Variants in CRHBP observed in about 807,000 individuals in gnomAD.
CRHBP encodes corticotropin releasing hormone binding protein.
Under a neutral mutation model 34.9 loss-of-function variants are expected in CRHBP, and 19 were observed. That is an observed-to-expected ratio of 0.55 (90% CI 0.38 to 0.80). The LOEUF is 0.80. Ranked by LOEUF, CRHBP falls within the 30% of genes least tolerant of loss-of-function variation. The pLI is 0.00. For synonymous variants in CRHBP, 154 were observed against 153.4 expected (o/e 1.00, Z -0.03); for missense variants, 328 against 409.2 (o/e 0.80, Z 1.71).
At chr5:76,963,539 T>C in intron 6 of CRHBP, 79 bp downstream of exon 6, 1 of 1,294,914 alleles carries the variant, frequency 7.7e-7, no homozygotes. Context: ...ATTTTCTACA[T>C]TGGAAGGTGA....
chr5:76,963,639 C>T (rs766835191), intron 6 of CRHBP, among the ~76,000 whole-genome samples, 179 bp downstream of exon 6: 2 of 151,980 alleles, frequency 1.3e-5, no homozygotes. Flanking sequence ...CCAAAATATC[C>T]GACACTGGGA....
intron 5 of CRHBP, among the ~76,000 whole-genome samples, chr5:76,962,653 G>A (rs1745797951): frequency 6.6e-6 from 1 of 151,238 alleles, no homozygotes; most frequent in African/African-American, 2.4e-5. Context: ...AGCAGGAAAA[G>A]GTGATCATGG....
At chr5:76,956,827 T>C (rs1426944402) in intron 4 of CRHBP, among the ~76,000 whole-genome samples, 3 of 152,252 alleles carry the variant, frequency 2.0e-5, no homozygotes, top group Non-Finnish European at 4.4e-5. Flanking sequence ...TCACTCATTT[T>C]TGCATACAGT....
chr5:76,963,698 A>G (rs949933103), intron 6 of CRHBP, among the ~76,000 whole-genome samples: 1 of 152,148 alleles, frequency 6.6e-6, no homozygotes, highest in African/African-American at 2.4e-5. Context: ...AACTATGAAA[A>G]AGACAAAGCT....
intron 3 of CRHBP, among the ~76,000 whole-genome samples, chr5:76,977,832 C>T (rs555625013): frequency 6.6e-6 from 1 of 152,164 alleles, no homozygotes; most frequent in Non-Finnish European, 1.5e-5. Flanking sequence ...AAAAGCTAAG[C>T]GTCTTATTCC....
At position 76,958,764 on chromosome 5, in the gene CRHBP, C is replaced by T. The variant is rs752119854; in HGVS notation, c.568C>T (p.Pro190Ser). The change falls in exon 5 of 7, where the codon CCA (proline) becomes TCA (serine). Residue 190 changes from proline to serine, a missense_variant. By Grantham distance (74) the Pro-to-Ser change is moderately conservative. Coordinates refer to ENST00000274368, the MANE Select transcript of CRHBP (RefSeq NM_001882.4). The stretch of plus-strand genomic sequence containing the variant: ...AGCTTGCAATGTCATTTCTCAGACT[C>T]CAAATGGAAAGTTTACCCTGGTAGT... The part of the protein sequence containing the change: ...LFPCNVISQT[P>S]NGKFTLVVPH... 4 of 1,611,510 alleles carry T rather than the reference C, an allele frequency of 2.5e-6. No individual in the cohort carries two copies. The highest frequency in any genetic ancestry group is 3.4e-6 in the Non-Finnish European group (4 of 1,179,388).
chr5:76,976,666 G>A (rs532318206), intron 3 of CRHBP: 1 of 152,256 alleles, frequency 6.6e-6, no homozygotes, highest in East Asian at 1.9e-4. Flanking sequence ...CACCAGTCAA[G>A]GCACATGGTA....
intron 2 of CRHBP, among the ~76,000 whole-genome samples, 159 bp downstream of exon 2, chr5:76,953,853 A>G (rs1007460061): frequency 2.0e-5 from 3 of 152,086 alleles, no homozygotes; most frequent in South Asian, 2.1e-4. Context: ...GAGGCGCGCC[A>G]GGAGCGGGAG....
chr5:76,954,244 G>C, intron 3 of CRHBP, 58 bp downstream of exon 3: 1 of 1,576,466 alleles, frequency 6.3e-7, no homozygotes, highest in Non-Finnish European at 8.6e-7. Flanking sequence ...GGTTGGAAAG[G>C]GCTGGGGCGC....
At chr5:76,953,535 G>A in intron 1 of CRHBP, 66 bp from the exon 2 acceptor site, 1 of 1,472,374 alleles carries the variant, frequency 6.8e-7, no homozygotes, top group Non-Finnish European at 9.3e-7. Context: ...AGGGTGCCCC[G>A]CTCCTGGTCC....
intron 6 of CRHBP, among the ~76,000 whole-genome samples, chr5:76,965,984 G>C (rs1031046136): frequency 1.3e-5 from 2 of 152,200 alleles, no homozygotes; most frequent in Non-Finnish European, 2.9e-5. Context: ...AGCGGCTCAA[G>C]GGCCCGGTTA....
At chr5:76,971,944 A>T (rs1745954292), downstream of CRHBP, among the ~76,000 whole-genome samples, 2 of 152,190 alleles carry the variant, frequency 1.3e-5, no homozygotes, top group South Asian at 4.1e-4. Context: ...ACAACCAATA[A>T]CTGATTTCTC....
At chr5:76,980,675 GT>G (rs1746105661) in intron 3 of CRHBP, among the ~76,000 whole-genome samples, 1 of 152,190 alleles carries the variant, frequency 6.6e-6, no homozygotes, top group African/African-American at 2.4e-5. Flanking sequence ...TAGATTTTGA[GT>G]AAAGCAAATT....
chr5:76,970,873 T>C (rs960323542), downstream of CRHBP, among the ~76,000 whole-genome samples: 1 of 152,234 alleles, frequency 6.6e-6, no homozygotes, highest in African/African-American at 2.4e-5. Context: ...CCTTAAGCCC[T>C]GACATTCTGT....
intron 3 of CRHBP, among the ~76,000 whole-genome samples, chr5:76,955,416 GT>G (rs1745652777): frequency 6.6e-6 from 1 of 152,124 alleles, no homozygotes; most frequent in Admixed American, 6.5e-5. Context: ...GTATAAGGAA[GT>G]TTACTTACTT....
Position 76,979,718 on chromosome 5 carries a change from C to T in CRHBP, n.468-1243C>T, listed in dbSNP as rs572266976. 9.2e-5 allele frequency among the ~76,000 whole-genome samples: 14 copies of T among 152,264 alleles called. No homozygotes were observed. In the South Asian group the frequency reaches 2.1e-3, roughly 23 times the overall value. On this transcript the variant is annotated intron_variant and non_coding_transcript_variant, in intron 3 of 3. Coordinates refer to the CRHBP transcript ENST00000514258. ...ATGCTATTGCACACTTAGTATACTA[C>T]ATTATACTGTAAACATCACTTCTAT... is the stretch of plus-strand genomic sequence containing the variant.
chr5:76,971,596 A>G (rs1745944842), downstream of CRHBP, among the ~76,000 whole-genome samples: 1 of 152,098 alleles, frequency 6.6e-6, no homozygotes, highest in Non-Finnish European at 1.5e-5. Flanking sequence ...CCTCACCCTA[A>G]TCCTAACGTT....
At chr5:76,963,968 G>C (rs1745821834) in intron 6 of CRHBP, among the ~76,000 whole-genome samples, 1 of 152,124 alleles carries the variant, frequency 6.6e-6, no homozygotes, top group African/African-American at 2.4e-5. Context: ...GGCTAAACTA[G>C]CCTCTCAAAG....
At chr5:76,977,346 A>C (rs532251131) in intron 3 of CRHBP, among the ~76,000 whole-genome samples, 72 of 152,310 alleles carry the variant, frequency 4.7e-4, no homozygotes, top group Admixed American at 1.0e-3. Flanking sequence ...TACAAGTAGA[A>C]GGTTTGTGGC....
Sources: allele counts gnomAD v4.1 joint callset (sites outside exome capture counted in the v4.1 genomes callset), GRCh38; gene constraint gnomAD v4.1.1; transcripts MANE v1.5; gene names NCBI Gene and HGNC (gene_info 2026-07-23, HGNC 2026-07-21).